DHX32: variants seen among roughly 807,000 people sequenced by gnomAD.
The protein encoded by DHX32 is putative pre-mRNA-splicing factor ATP-dependent RNA helicase DHX32.
A neutral mutation model predicts 70.0 loss-of-function variants in DHX32; 51 were observed. The ratio of observed to expected loss-of-function variants is 0.73; its 90% CI spans 0.58 to 0.92. DHX32 has a LOEUF of 0.92. DHX32 is among the 40% of genes least tolerant of loss of function. DHX32 has a pLI of 0.00. For missense variants in DHX32, 762 were observed against 891.8 expected, an observed-to-expected ratio of 0.85 and a Z score of 1.85; for synonymous variants, 310 against 315.3, an observed-to-expected ratio of 0.98 and a Z score of 0.18.
At chr10:125,846,006 AAAGGACT>A (rs1944013468) in intron 6 of DHX32, among the ~76,000 whole-genome samples, 2 of 152,200 alleles carry the variant, frequency 1.3e-5, no homozygotes, top group African/African-American at 2.4e-5. Flanking sequence ...CAGGCCTCAG[AAAGGACT>A]AAGTGGGGAA....
In DHX32 at chr10:125,866,435, C is replaced by T. The variant is rs79544842; in HGVS notation, c.476+555G>A. On this transcript the variant is annotated intron_variant, in intron 2 of 10. Coordinates refer to ENST00000284690, the MANE Select transcript of DHX32 (RefSeq NM_018180.3). The surrounding 1 kb of genome is among the most constrained non-coding windows in gnomAD (Gnocchi z 4.8). Reference sequence around the variant, plus strand: ...CAAAGCACAGTTTGAGAAACACTGTCGAAGCTGCTATGATGCAGGCTGACA... The same window carrying T: ...CAAAGCACAGTTTGAGAAACACTGTTGAAGCTGCTATGATGCAGGCTGACA... Among the ~76,000 whole-genome samples, 323 of 152,314 alleles carry T rather than the reference C, an allele frequency of 2.1e-3. 1 individual carries two copies. The highest frequency in any genetic ancestry group is 7.2e-3 in the African/African-American group (300 of 41,564).
intron 3 of DHX32, among the ~76,000 whole-genome samples, chr10:125,855,448 GTTTTTTTT>G (rs777479193): frequency 8.2e-6 from 1 of 121,460 alleles, no homozygotes; most frequent in East Asian, 2.4e-4. Flanking sequence ...AAGATAAACT[GTTTTTTTT>G]TTTTTTTTTT....
At chr10:125,887,698 T>C (rs150562354) in intron 1 of DHX32, among the ~76,000 whole-genome samples, 3 of 152,170 alleles carry the variant, frequency 2.0e-5, no homozygotes, top group African/African-American at 7.2e-5. Flanking sequence ...TGTATTCAAC[T>C]CCTGGGCTCA....
intron 8 of DHX32, among the ~76,000 whole-genome samples, chr10:125,839,834 T>C (rs1854819072): frequency 1.3e-5 from 2 of 152,140 alleles, no homozygotes; most frequent in Non-Finnish European, 2.9e-5. Flanking sequence ...CATGGCACCA[T>C]GGACAGAAGA....
At chr10:125,876,414 G>T (rs1944284320) in intron 1 of DHX32, among the ~76,000 whole-genome samples, 1 of 152,186 alleles carries the variant, frequency 6.6e-6, no homozygotes, top group Non-Finnish European at 1.5e-5. Context: ...TGTATAATGA[G>T]AAACATTTAC....
Position 125,859,824 on chromosome 10 carries a change from C to G in DHX32, c.628G>C (p.Glu210Gln). Residue 210 changes from glutamate to glutamine, a missense_variant, in exon 3 of 11, where the codon GAA becomes CAA. Glu to Gln is a conservative substitution (Grantham distance 29). Around this residue, in one of 3 missense-constraint regions of DHX32, gnomAD observed 394 missense variants for 473.1 expected, o/e 0.83. Coordinates refer to ENST00000284690, the MANE Select transcript of DHX32 (RefSeq NM_018180.3). ...GAGGAGTTAATTATGAGCTTCAGTT[C>G]TGGTCTTGCTAGTAAAACATCTTTA... Reference protein sequence around the residue: ...LLKDVLLARPELKLIINSSPH... With the variant: ...LLKDVLLARPQLKLIINSSPH... The G allele has an allele frequency of 6.2e-7, 1 of 1,614,016 alleles. No homozygotes were observed. The highest frequency in any genetic ancestry group is 8.5e-7 in the Non-Finnish European group (1 of 1,180,008).
intron 1 of DHX32, among the ~76,000 whole-genome samples, chr10:125,875,916 C>A (rs903931051): frequency 6.6e-6 from 1 of 152,162 alleles, no homozygotes; most frequent in Non-Finnish European, 1.5e-5. Flanking sequence ...ATGAGAGGGG[C>A]CTGAATTCTG....
At chr10:125,893,005 A>C (rs1944380518) in intron 1 of DHX32, among the ~76,000 whole-genome samples, 1 of 152,250 alleles carries the variant, frequency 6.6e-6, no homozygotes, top group African/African-American at 2.4e-5. Flanking sequence ...GCAACACAGA[A>C]GAAGCGTAAG....
chr10:125,870,605 C>T (rs1445939272), intron 1 of DHX32, among the ~76,000 whole-genome samples: 1 of 151,938 alleles, frequency 6.6e-6, no homozygotes, highest in African/African-American at 2.4e-5. Context: ...GAGGCCAAGG[C>T]GGGTGGATTA....
At chr10:125,861,245 C>T (rs1218437155) in intron 2 of DHX32, among the ~76,000 whole-genome samples, 3 of 151,842 alleles carry the variant, frequency 2.0e-5, no homozygotes, top group Non-Finnish European at 4.4e-5. Context: ...CGCCTGTAAT[C>T]CCAGCACTTT....
At chr10:125,880,046 T>G (rs1182041765) in intron 1 of DHX32, among the ~76,000 whole-genome samples, 1 of 152,232 alleles carries the variant, frequency 6.6e-6, no homozygotes, top group Non-Finnish European at 1.5e-5. Flanking sequence ...CTGGATCATA[T>G]TTAGTTGCTC....
intron 10 of DHX32, 25 bp downstream of exon 10, chr10:125,838,181 A>G: frequency 6.5e-7 from 1 of 1,543,302 alleles, no homozygotes; most frequent in Non-Finnish European, 8.7e-7. Context: ...AAAAAATACA[A>G]CCCTTTCTTC....
At chr10:125,854,412 TG>T in intron 3 of DHX32, 1 of 388,756 alleles carries the variant, frequency 2.6e-6, no homozygotes, top group Non-Finnish European at 4.4e-6. Context: ...TAATTTATAT[TG>T]TTTTCCCATT....
chr10:125,866,791 G>A lies in DHX32; in HGVS notation c.476+199C>T, dbSNP rs1944222969. The stretch of plus-strand genomic sequence containing the variant: ...TTTTCCAGGGGATAATGGGAGTCAT[G>A]GGATACATTTAGACAAGGAATCCCA... On this transcript the variant is annotated intron_variant, in intron 2 of 10. Coordinates refer to ENST00000284690, the MANE Select transcript of DHX32 (RefSeq NM_018180.3). This position sits in a 1 kb window ranked among gnomAD's most constrained non-coding sequence, Gnocchi z 4.8. Among the ~76,000 whole-genome samples, 1 of 152,260 alleles carries A rather than the reference G, an allele frequency of 6.6e-6. No homozygotes were observed. Among genetic ancestry groups the A allele is most frequent in the Non-Finnish European group, 1.5e-5 (1 of 68,042 alleles).
chr10:125,838,528 A>T, intron 9 of DHX32, 141 bp from the exon 10 acceptor site: 1 of 821,392 alleles, frequency 1.2e-6, no homozygotes, highest in Non-Finnish European at 1.8e-6. Flanking sequence ...TCCTACTTTC[A>T]CATGTAGAAA....
At chr10:125,883,743 T>C (rs1944330240), upstream of DHX32, among the ~76,000 whole-genome samples, 1 of 152,218 alleles carries the variant, frequency 6.6e-6, no homozygotes, top group Non-Finnish European at 1.5e-5. Context: ...TTAAATAAAC[T>C]ATACTCACAA....
intron 3 of DHX32, 47 bp downstream of exon 3, chr10:125,859,556 C>T: frequency 6.6e-7 from 1 of 1,510,142 alleles, no homozygotes; most frequent in Non-Finnish European, 8.8e-7. Context: ...AAAAGCTTCC[C>T]AAATGAAATA....
chr10:125,872,500 A>AT (rs1475327356), intron 1 of DHX32, among the ~76,000 whole-genome samples: 1 of 152,242 alleles, frequency 6.6e-6, no homozygotes, highest in African/African-American at 2.4e-5. Flanking sequence ...CCTCTAACAC[A>AT]TAAAAAAAGC....
intron 3 of DHX32, among the ~76,000 whole-genome samples, chr10:125,857,898 T>TC (rs1944158734): frequency 1.3e-5 from 2 of 150,092 alleles, no homozygotes; most frequent in Non-Finnish European, 1.5e-5. Flanking sequence ...TTTTAATTTT[T>TC]CATTTTTTTT....
Sources: gnomAD v4.1 joint callset for allele counts (sites outside exome capture counted in the v4.1 genomes callset) on GRCh38, gnomAD v4.1.1 for gene constraint, gnomAD v4.1.1 regional missense constraint, Gnocchi (gnomAD v3.1) non-coding constraint, MANE v1.5 for transcripts, NCBI Gene and HGNC (gene_info 2026-07-23, HGNC 2026-07-21) for gene names.